The following LRRN3 variants were observed in gnomAD, a reference collection of about 807,000 sequenced individuals.
LRRN3 encodes the protein leucine-rich repeat neuronal protein 3.
A neutral mutation model predicts 40.1 loss-of-function variants in LRRN3; 15 were observed. The observed-to-expected ratio is 0.37, with a 90% CI of 0.25 to 0.58. The LOEUF is 0.58. Among genes scored for constraint, LRRN3 ranks in the 20% least tolerant of loss-of-function variants. The pLI is 0.72. For missense variants in LRRN3, 746 were observed against 837.7 expected (o/e 0.89, Z 1.35); for synonymous variants, 308 against 297.2 (o/e 1.04, Z -0.37).
chr7:111,099,957 C>T lies in LRRN3; in HGVS notation c.-364C>T, dbSNP rs180785413. 6.6e-6 allele frequency: 1 copy of T among 151,636 alleles called. No individual in the cohort carries two copies. The highest frequency in any genetic ancestry group is 2.4e-5 in the African/African-American group (1 of 41,438). The allele number at this position is 151,636 out of a possible 1,614,324, so 9.4% of individuals were successfully genotyped here. A position where few individuals can be genotyped will look rare whatever the true frequency, so the allele number is the denominator to read the frequency against. The stretch of plus-strand genomic sequence containing the variant: ...TATTTAACATGCTCCACAGCCCGGA[C>T]CCTGGGTAAGCTCTTTGTACAACTC... On this transcript the variant is annotated 5_prime_UTR_variant, in exon 2 of 3. Coordinates refer to ENST00000308478, the MANE Select transcript of LRRN3 (RefSeq NM_001099658.2).
intron 2 of LRRN3, among the ~76,000 whole-genome samples, chr7:111,121,799 T>C (rs1483001330): frequency 1.3e-5 from 2 of 152,134 alleles, no homozygotes; most frequent in African/African-American, 4.8e-5. Context: ...TGCAGCAGTA[T>C]TCACAATAGC....
In LRRN3 at chr7:111,123,435, T is replaced by A. The variant is rs1366672476; in HGVS notation, c.663T>A (p.Gly221=). 4 of 1,613,554 alleles carry A rather than the reference T, an allele frequency of 2.5e-6. No individual in the cohort carries two copies. Among genetic ancestry groups the A allele is most frequent in the Non-Finnish European group, 3.4e-6 (4 of 1,179,844 alleles). Reference sequence around the variant, plus strand: ...ATCTTCGCAGCCTGGTTATAGCTGGTATAAACCTCACAGAAATACCAGATA... The same window carrying A: ...ATCTTCGCAGCCTGGTTATAGCTGGAATAAACCTCACAGAAATACCAGATA... The part of the protein sequence containing the change: ...LINLRSLVIA[G]INLTEIPDNA... The change falls in exon 3 of 3, where the codon GGT becomes GGA. Residue 221 remains glycine, a synonymous_variant. Transcript: ENST00000308478. The surrounding 1 kb of genome is among the most constrained non-coding windows in gnomAD (Gnocchi z 6.4).
intron 2 of LRRN3, among the ~76,000 whole-genome samples, chr7:111,113,087 T>A (rs1799435423): frequency 6.6e-6 from 1 of 152,182 alleles, no homozygotes; most frequent in South Asian, 2.1e-4. Context: ...CCTTCTACTC[T>A]GAGTTCCTTC....
intron 2 of LRRN3, among the ~76,000 whole-genome samples, chr7:111,119,228 T>C (rs1399781116): frequency 6.6e-6 from 1 of 152,206 alleles, no homozygotes; most frequent in Non-Finnish European, 1.5e-5. Flanking sequence ...ACTTTGTACC[T>C]AGGTTTTTCC....
At chr7:111,109,701 G>C (rs900680260) in intron 2 of LRRN3, among the ~76,000 whole-genome samples, 1 of 152,120 alleles carries the variant, frequency 6.6e-6, no homozygotes, top group Admixed American at 6.5e-5. Flanking sequence ...ATTATTAGGG[G>C]AATCAGATAA....
chr7:111,119,622 A>G (rs17158338), intron 2 of LRRN3, among the ~76,000 whole-genome samples: 6,362 of 152,338 alleles, frequency 0.042, 186 homozygotes, highest in Non-Finnish European at 0.066. Flanking sequence ...AAACAGATTT[A>G]CTGAAATTAG....
intron 2 of LRRN3, among the ~76,000 whole-genome samples, chr7:111,111,483 G>GT (rs1799197128): frequency 6.6e-6 from 1 of 150,500 alleles, no homozygotes; most frequent in Admixed American, 6.6e-5. Context: ...AACACATAAG[G>GT]CAAAATGTAT....
intron 1 of LRRN3, among the ~76,000 whole-genome samples, chr7:111,095,906 C>T (rs1420072728): frequency 2.6e-5 from 4 of 151,824 alleles, no homozygotes; most frequent in African/African-American, 9.7e-5. Context: ...CCTCCCCTAC[C>T]CCATCCCAAC....
chr7:111,124,276 G>C lies in LRRN3; in HGVS notation c.1504G>C (p.Val502Leu). 6.2e-7 allele frequency: 1 copy of C among 1,613,990 alleles called. No homozygotes were observed. The highest frequency in any genetic ancestry group is 1.7e-4 in the Middle Eastern group (1 of 6,056). The change falls in exon 3 of 3, where the codon GTT becomes CTT. Residue 502 changes from valine to leucine, a missense_variant. By Grantham distance (32) the Val-to-Leu change is conservative. Coordinates refer to ENST00000308478, the MANE Select transcript of LRRN3 (RefSeq NM_001099658.2). ...GLYTCIATNL[V>L]GADLKSVMIK... ...ATATACTTGTATAGCAACTAACCTA[G>C]TTGGCGCTGACTTGAAGTCTGTTAT...
chr7:111,111,799 G>A (rs2129583862), intron 2 of LRRN3, among the ~76,000 whole-genome samples: 1 of 151,800 alleles, frequency 6.6e-6, no homozygotes, highest in African/African-American at 2.4e-5. Flanking sequence ...AAAGTTAAGT[G>A]ACTGAACTCC....
At chr7:111,115,750 C>T (rs1030213408) in intron 2 of LRRN3, among the ~76,000 whole-genome samples, 2 of 152,104 alleles carry the variant, frequency 1.3e-5, no homozygotes, top group Non-Finnish European at 2.9e-5. Context: ...TCACTGCAGC[C>T]ACCGCCTCCC....
At chr7:111,108,075 A>G (rs944088962) in intron 2 of LRRN3, among the ~76,000 whole-genome samples, 11 of 152,068 alleles carry the variant, frequency 7.2e-5, no homozygotes, top group Admixed American at 7.2e-4. Context: ...GTTTTCTCCT[A>G]AAGTACAGTG....
intron 2 of LRRN3, among the ~76,000 whole-genome samples, chr7:111,103,544 AACCTTT>A (rs1368299886): frequency 1.3e-5 from 2 of 151,582 alleles, no homozygotes; most frequent in Non-Finnish European, 3.0e-5. Flanking sequence ...AAAATTCTAC[AACCTTT>A]TATGATAATC....
chr7:111,119,924 C>G (rs1411177081), intron 2 of LRRN3, among the ~76,000 whole-genome samples: 1 of 152,058 alleles, frequency 6.6e-6, no homozygotes, highest in African/African-American at 2.4e-5. Flanking sequence ...ATATGAAAGT[C>G]TTGTATGAAA....
rs533879740 is a variant in LRRN3 at position 111,098,805 on chromosome 7, T to G, written c.-440-1076T>G. ...CGAAAAGGAACCTAGGTTAGTTAGC[T>G]CGAAAGAACAAGCCTTTGTGCATGA... On this transcript the variant is annotated intron_variant, in intron 1 of 2. Coordinates refer to ENST00000308478, the MANE Select transcript of LRRN3 (RefSeq NM_001099658.2). 2.9e-4 allele frequency among the ~76,000 whole-genome samples: 44 copies of G among 151,818 alleles called. 1 individual carries two copies. The South Asian group carries it at 8.9e-3, about 31-fold the overall frequency.
intron 2 of LRRN3, among the ~76,000 whole-genome samples, chr7:111,120,394 T>C (rs1800446650): frequency 6.6e-6 from 1 of 152,054 alleles, no homozygotes; most frequent in Non-Finnish European, 1.5e-5. Context: ...ACATTTCCCC[T>C]ATAAAAACAT....
chr7:111,092,893 C>T (rs913566850), intron 1 of LRRN3, among the ~76,000 whole-genome samples: 2 of 152,190 alleles, frequency 1.3e-5, no homozygotes, highest in African/African-American at 4.8e-5. Context: ...ACTAACCACA[C>T]AGTTAACAGA....
chr7:111,122,032 G>A (rs917147496), intron 2 of LRRN3, among the ~76,000 whole-genome samples: 1 of 146,460 alleles, frequency 6.8e-6, no homozygotes, highest in African/African-American at 2.5e-5. Flanking sequence ...TGAACAATGA[G>A]AACACATGGA....
chr7:111,124,562 C>G lies in LRRN3; in HGVS notation c.1790C>G (p.Thr597Ser). The G allele has an allele frequency of 1.2e-6, 2 of 1,613,478 alleles. No homozygotes were observed. The highest frequency in any genetic ancestry group is 2.2e-5 in the South Asian group (2 of 91,066). Residue 597 changes from threonine to serine, a missense_variant, in exon 3 of 3, where the codon ACC becomes AGC. Coordinates refer to ENST00000308478, the MANE Select transcript of LRRN3 (RefSeq NM_001099658.2). ...TATAAAATTTGTATTGATATTCCCA[C>G]CATCTATCAGAAAAACAGAAAAAAA... ...TEYKICIDIP[T>S]IYQKNRKKCV...
Sources: gnomAD v4.1 joint callset for allele counts (sites outside exome capture counted in the v4.1 genomes callset) on GRCh38, gnomAD v4.1.1 for gene constraint, Gnocchi (gnomAD v3.1) non-coding constraint, MANE v1.5 for transcripts, NCBI Gene and HGNC (gene_info 2026-07-23, HGNC 2026-07-21) for gene names.